TNS3: variants seen among roughly 807,000 people sequenced by gnomAD.
TNS3 encodes the protein tensin-3.
A neutral mutation model predicts 140.9 loss-of-function variants in TNS3; 45 were observed. That is an observed-to-expected ratio of 0.32 (90% CI 0.25 to 0.41). The LOEUF is 0.41. TNS3 is among the 10% of genes least tolerant of loss of function. The probability of loss-of-function intolerance (pLI) is 1.00; values close to 1 mark genes in which losing one functional copy is unlikely to be tolerated. For synonymous variants in TNS3, 815 were observed against 788.4 expected, an observed-to-expected ratio of 1.03 and a Z score of -0.56; for missense variants, 1,716 against 1,906.7, an observed-to-expected ratio of 0.90 and a Z score of 1.86.
chr7:47,528,548 T>C (rs1456584058), intron 2 of TNS3, among the ~76,000 whole-genome samples: 1 of 152,232 alleles, frequency 6.6e-6, no homozygotes, highest in Admixed American at 6.5e-5. Context: ...ACTAGATTTA[T>C]TAATGTGCAG....
chr7:47,439,414 T>G, intron 6 of TNS3, 73 bp downstream of exon 6: 1 of 1,523,916 alleles, frequency 6.6e-7, no homozygotes, highest in Middle Eastern at 2.1e-4. Flanking sequence ...ACCAGTGTTC[T>G]GTGAGTGCCC....
At chr7:47,431,747 G>A (rs916436187) in intron 8 of TNS3, among the ~76,000 whole-genome samples, 1 of 152,132 alleles carries the variant, frequency 6.6e-6, no homozygotes, top group African/African-American at 2.4e-5. Flanking sequence ...ACAAAACTAA[G>A]GGTTGGGTTT....
At chr7:47,566,149 T>G (rs1584862437) in intron 1 of TNS3, among the ~76,000 whole-genome samples, 1 of 152,162 alleles carries the variant, frequency 6.6e-6, no homozygotes, top group East Asian at 1.9e-4. Flanking sequence ...CCTAACAGTT[T>G]CCAGGGGATG....
chr7:47,367,598 C>T (rs766014942), intron 17 of TNS3, among the ~76,000 whole-genome samples: 63 of 152,226 alleles, frequency 4.1e-4, no homozygotes, highest in Non-Finnish European at 7.4e-4. Context: ...GGCCTCCCTG[C>T]AGTTAGCATG....
At chr7:47,397,378 A>C (rs1414085152) in intron 15 of TNS3, among the ~76,000 whole-genome samples, 1 of 152,244 alleles carries the variant, frequency 6.6e-6, no homozygotes, top group African/African-American at 2.4e-5. Context: ...CAATGAACAT[A>C]GAAAAAGCAT....
intron 4 of TNS3, among the ~76,000 whole-genome samples, chr7:47,447,803 A>T (rs886894114): frequency 6.6e-5 from 10 of 152,220 alleles, no homozygotes; most frequent in African/African-American, 2.4e-4. Flanking sequence ...TGCCAAGACC[A>T]GCGGACAACT....
intron 2 of TNS3, among the ~76,000 whole-genome samples, chr7:47,510,980 C>G (rs1239766374): frequency 2.0e-5 from 3 of 151,138 alleles, no homozygotes; most frequent in Admixed American, 2.0e-4. Flanking sequence ...GATTGTATAA[C>G]AAATATGTCA....
At chr7:47,431,986 C>G (rs1030046350) in intron 8 of TNS3, among the ~76,000 whole-genome samples, 2 of 152,026 alleles carry the variant, frequency 1.3e-5, no homozygotes, top group Non-Finnish European at 2.9e-5. Context: ...ACAGAAAATC[C>G]GAACAAAACA....
chr7:47,344,399 C>T (rs572003622), intron 20 of TNS3, among the ~76,000 whole-genome samples: 248 of 152,306 alleles, frequency 1.6e-3, no homozygotes, highest in Non-Finnish European at 4.0e-4. Context: ...CTGGGGCGCC[C>T]GTGCGGCACA....
At chr7:47,569,393 A>T (rs1005057273) in intron 1 of TNS3, among the ~76,000 whole-genome samples, 3 of 151,670 alleles carry the variant, frequency 2.0e-5, no homozygotes, top group African/African-American at 7.3e-5. Context: ...AAATTTAAAA[A>T]ATTAGCCAGG....
At chr7:47,461,676 G>A (rs1341527767) in intron 4 of TNS3, among the ~76,000 whole-genome samples, 3 of 152,236 alleles carry the variant, frequency 2.0e-5, no homozygotes, top group Admixed American at 6.5e-5. Context: ...AATGACCACT[G>A]CGTCTGCTCC....
rs553911968 is a variant in TNS3, at chr7:47,382,398, C to T, written c.1025-12777G>A. On this transcript the variant is annotated intron_variant, in intron 16 of 30. Transcript: ENST00000311160. ...ACGTAGCTGGCAGCCACTGAGCAGG[C>T]AGGCTCAGAACGCTCTCATTTTCTA... Among the ~76,000 whole-genome samples, 210 of 152,314 alleles carry T rather than the reference C, an allele frequency of 1.4e-3. 4 individuals are homozygous for T. The South Asian group carries it at 0.019, about 14-fold the overall frequency.
chr7:47,293,743 T>C lies in TNS3; in HGVS notation c.3762A>G (p.Glu1254=), dbSNP rs948905640. 9 of 1,613,926 alleles carry C rather than the reference T, an allele frequency of 5.6e-6. No homozygotes were observed. Among genetic ancestry groups the C allele is most frequent in the Non-Finnish European group, 7.6e-6 (9 of 1,180,006 alleles). Reference sequence around the variant, plus strand: ...TCTCAAGCAACTCACCGAAATATGGTTCATTCGAGCACCCTTTCAACCGCA... The same window carrying C: ...TCTCAAGCAACTCACCGAAATATGGCTCATTCGAGCACCCTTTCAACCGCA... ...KGVRLKGCSN[E]PYFGSLTALV... Residue 1254 remains glutamate, a synonymous_variant, in exon 25 of 31, where the codon GAA becomes GAG. Coordinates refer to ENST00000311160, the MANE Select transcript of TNS3 (RefSeq NM_022748.12).
At chr7:47,393,001 C>T (rs1792618024) in intron 16 of TNS3, among the ~76,000 whole-genome samples, 1 of 152,114 alleles carries the variant, frequency 6.6e-6, no homozygotes, top group Admixed American at 6.5e-5. Flanking sequence ...CTTTGGAAGC[C>T]CCTCTAAGGG....
At chr7:47,524,218 G>A (rs1403168467) in intron 2 of TNS3, among the ~76,000 whole-genome samples, 40 of 152,160 alleles carry the variant, frequency 2.6e-4, no homozygotes, top group Admixed American at 3.3e-4. Flanking sequence ...GCCCTTTCAC[G>A]TACACCCCTC....
chr7:47,381,899 C>T (rs1297683262), intron 16 of TNS3, among the ~76,000 whole-genome samples: 1 of 152,190 alleles, frequency 6.6e-6, no homozygotes, highest in Non-Finnish European at 1.5e-5. Flanking sequence ...AAGGCAGTGA[C>T]TAATTTATCA....
At chr7:47,390,005 T>C (rs150171719) in intron 16 of TNS3, among the ~76,000 whole-genome samples, 1 of 152,224 alleles carries the variant, frequency 6.6e-6, no homozygotes, top group Non-Finnish European at 1.5e-5. Context: ...TAAAGAAATA[T>C]TCTTCTGCCT....
intron 2 of TNS3, among the ~76,000 whole-genome samples, chr7:47,507,210 G>A (rs1798450106): frequency 6.6e-6 from 1 of 152,192 alleles, no homozygotes. Flanking sequence ...TGGGAGCACG[G>A]TCATGAGCAG....
intron 13 of TNS3, 85 bp from the exon 14 acceptor site, chr7:47,400,999 C>T: frequency 6.4e-7 from 1 of 1,562,720 alleles, no homozygotes; most frequent in Non-Finnish European, 8.7e-7. Context: ...CGGAGGCCGG[C>T]ACAGCAGGGC....
Sources: allele counts gnomAD v4.1 joint callset (sites outside exome capture counted in the v4.1 genomes callset), GRCh38; gene constraint gnomAD v4.1.1; transcripts MANE v1.5; gene names NCBI Gene and HGNC (gene_info 2026-07-23, HGNC 2026-07-21).